The following LARGE1 variants were observed in gnomAD, a reference collection of about 807,000 sequenced individuals.
The protein encoded by LARGE1 is LARGE xylosyl- and glucuronyltransferase 1, also known as xylosyl- and glucuronyltransferase LARGE1.
Under a neutral mutation model 87.6 loss-of-function variants are expected in LARGE1, and 43 were observed. That is an observed-to-expected ratio of 0.49 (90% CI 0.38 to 0.63). LARGE1 has a LOEUF of 0.63. Among genes scored for constraint, LARGE1 ranks in the 30% least tolerant of loss-of-function variants. LARGE1 has a pLI of 0.00. For synonymous variants in LARGE1, 434 were observed against 394.6 expected, an observed-to-expected ratio of 1.10 and a Z score of -1.18; for missense variants, 802 against 1,000.2, an observed-to-expected ratio of 0.80 and a Z score of 2.67.
chr22:33,369,180 T>C (rs558855502), intron 9 of LARGE1, among the ~76,000 whole-genome samples: 1 of 152,362 alleles, frequency 6.6e-6, no homozygotes, highest in African/African-American at 2.4e-5. Context: ...ACTAAGTTTA[T>C]GTAGTATTTT....
chr22:33,259,319 AAC>A lies in LARGE1; in HGVS notation c.1730+44908_1730+44909del, dbSNP rs3071499. ...ACTATCCACGAGAAATCCAAAGGGC[AAC>A]ACACACACACACACACACACACACA... On this transcript the variant is annotated intron_variant, in intron 11 of 11. Transcript: ENST00000608642. Among the ~76,000 whole-genome samples the A allele has an allele frequency of 7.3e-3, 1,057 of 145,208 alleles. 10 individuals carry two copies. Among genetic ancestry groups the A allele is most frequent in the East Asian group, 0.022 (112 of 5,010 alleles).
At chr22:33,125,400 C>T in the LARGE1 span, among the ~76,000 whole-genome samples, 1 of 151,550 alleles carries the variant, frequency 6.6e-6, no homozygotes, top group Non-Finnish European at 1.5e-5. Flanking sequence ...CTATATGTAT[C>T]GTGCACTGTA....
At chr22:33,276,061 A>C (rs1473046163) in intron 14 of LARGE1, among the ~76,000 whole-genome samples, 1 of 152,184 alleles carries the variant, frequency 6.6e-6, no homozygotes, top group Non-Finnish European at 1.5e-5. Flanking sequence ...ACATATTGGA[A>C]CTATTGGAAG....
At chr22:33,843,092 A>C (rs2063329178) in intron 1 of LARGE1, among the ~76,000 whole-genome samples, 2 of 151,942 alleles carry the variant, frequency 1.3e-5, no homozygotes, top group Non-Finnish European at 2.9e-5. Context: ...CATCCTCACA[A>C]CCCAACCCAG....
intron 9 of LARGE1, among the ~76,000 whole-genome samples, chr22:33,374,504 C>T (rs369198057): frequency 6.6e-6 from 1 of 152,184 alleles, no homozygotes; most frequent in Non-Finnish European, 1.5e-5. Flanking sequence ...TATTACTTCA[C>T]AGTAACTTCT....
chr22:33,120,392 T>TTC, the LARGE1 span, among the ~76,000 whole-genome samples: 2 of 97,750 alleles, frequency 2.0e-5, no homozygotes, highest in African/African-American at 6.3e-5. Context: ...CTTTCTTTCT[T>TTC]TCTTTCTTTC....
intron 4 of LARGE1, among the ~76,000 whole-genome samples, chr22:33,606,836 G>A (rs545109217): frequency 3.9e-5 from 6 of 152,132 alleles, no homozygotes; most frequent in Admixed American, 1.3e-4. Context: ...CCTTAGGACC[G>A]CCATCATTTG....
chr22:33,769,342 C>T (rs2084997284), intron 1 of LARGE1, among the ~76,000 whole-genome samples: 2 of 152,170 alleles, frequency 1.3e-5, no homozygotes, highest in Admixed American at 6.5e-5. Context: ...AATCCTGGCA[C>T]GCAAATTCTC....
intron 9 of LARGE1, among the ~76,000 whole-genome samples, chr22:33,370,720 A>C (rs2064776025): frequency 6.6e-6 from 1 of 151,600 alleles, no homozygotes; most frequent in East Asian, 1.9e-4. Flanking sequence ...TACAAAGTAA[A>C]ATCTGGAATA....
At chr22:33,662,741 A>C (rs1431967274) in intron 2 of LARGE1, among the ~76,000 whole-genome samples, 1 of 152,204 alleles carries the variant, frequency 6.6e-6, no homozygotes, top group African/African-American at 2.4e-5. Flanking sequence ...TTCCAAAAAA[A>C]AAAATGGAAG....
chr22:33,141,552 C>T, the LARGE1 span, among the ~76,000 whole-genome samples: 1 of 151,684 alleles, frequency 6.6e-6, no homozygotes, highest in African/African-American at 2.4e-5. Flanking sequence ...CTATATTATA[C>T]TTATATGTAT....
intron 6 of LARGE1, among the ~76,000 whole-genome samples, chr22:33,521,386 T>G (rs959176120): frequency 6.6e-6 from 1 of 152,208 alleles, no homozygotes; most frequent in Non-Finnish European, 1.5e-5. Context: ...CCTGCTAGCA[T>G]AGGATAGCTC....
intron 9 of LARGE1, among the ~76,000 whole-genome samples, chr22:33,379,459 G>A (rs1420999484): frequency 1.3e-5 from 2 of 151,782 alleles, no homozygotes; most frequent in Non-Finnish European, 2.9e-5. Flanking sequence ...TCCCCACCCT[G>A]TGTCCAAGTG....
intron 6 of LARGE1, among the ~76,000 whole-genome samples, chr22:33,462,830 T>C (rs1303827675): frequency 6.6e-6 from 1 of 152,138 alleles, no homozygotes; most frequent in Non-Finnish European, 1.5e-5. Flanking sequence ...CAAGGCTATC[T>C]AATTAATGAA....
chr22:33,325,395 G>A (rs1238831348), intron 10 of LARGE1, among the ~76,000 whole-genome samples: 1 of 152,236 alleles, frequency 6.6e-6, no homozygotes, highest in Non-Finnish European at 1.5e-5. Flanking sequence ...GCCTTGCTCA[G>A]GAACAAATTT....
chr22:33,736,240 C>T (rs2083651927), intron 2 of LARGE1, among the ~76,000 whole-genome samples: 1 of 152,182 alleles, frequency 6.6e-6, no homozygotes, highest in South Asian at 2.1e-4. Context: ...GTGGCTGTTC[C>T]ATTTTATATT....
At chr22:33,891,028 GGGAA>G (rs2064991867) in intron 1 of LARGE1, among the ~76,000 whole-genome samples, 3 of 8,634 alleles carry the variant, frequency 3.5e-4, no homozygotes, top group Non-Finnish European at 5.4e-4. Context: ...CTGTGCATAT[GGGAA>G]GCTGCATACG....
At chr22:33,598,580 G>A (rs955181051) in intron 5 of LARGE1, among the ~76,000 whole-genome samples, 4 of 151,630 alleles carry the variant, frequency 2.6e-5, no homozygotes, top group African/African-American at 4.9e-5. Context: ...GTGTCCATGT[G>A]TTCTCATTGT....
chr22:33,431,232 T>A (rs2067069011), intron 7 of LARGE1, among the ~76,000 whole-genome samples: 1 of 152,200 alleles, frequency 6.6e-6, no homozygotes, highest in South Asian at 2.1e-4. Flanking sequence ...GTTTCATTGC[T>A]TATACACCCC....
Sources: gnomAD v4.1 joint callset for allele counts (sites outside exome capture counted in the v4.1 genomes callset) on GRCh38, gnomAD v4.1.1 for gene constraint, MANE v1.5 for transcripts, NCBI Gene and HGNC (gene_info 2026-07-23, HGNC 2026-07-21) for gene names.